The following TMEM116 variants were observed in gnomAD, a reference collection of about 807,000 sequenced individuals.
The protein encoded by TMEM116 is transmembrane protein 116.
Under a neutral mutation model 44.3 loss-of-function variants are expected in TMEM116, and 38 were observed. The observed-to-expected ratio is 0.86, with a 90% CI of 0.66 to 1.12. The LOEUF is 1.12. Ranked by LOEUF, TMEM116 falls within the 50% of genes most tolerant of loss-of-function variation. The pLI is 0.00. For missense variants in TMEM116, 354 were observed against 401.7 expected (o/e 0.88, Z 1.01); for synonymous variants, 132 against 144.8 (o/e 0.91, Z 0.64).
chr12:111,940,476 T>TACACACACAC lies in TMEM116; in HGVS notation c.316-2267_316-2266insGTGTGTGTGT, dbSNP rs1276384412. ...CTCCTGCCCCCCACATATATATATA[T>TACACACACAC]ACATACACACACACACACACACATA... On this transcript the variant is annotated intron_variant, in intron 5 of 10. Transcript: ENST00000552374. Among the ~76,000 whole-genome samples the TACACACACAC allele has an allele frequency of 1.5e-4, 15 of 98,800 alleles. No individual in the cohort carries two copies. In the East Asian group the frequency reaches 4.3e-3, roughly 28 times the overall value. The allele number at this position is 98,800 out of a possible 152,430, so 64.8% of individuals were successfully genotyped here.
intron 4 of TMEM116, among the ~76,000 whole-genome samples, chr12:111,977,664 A>C (rs376476776): frequency 2.0e-5 from 3 of 152,138 alleles, no homozygotes; most frequent in East Asian, 3.8e-4. Flanking sequence ...AAAATATTTC[A>C]TTTTTCTTAG....
chr12:111,960,060 C>A (rs2136377849), intron 4 of TMEM116, among the ~76,000 whole-genome samples: 1 of 152,318 alleles, frequency 6.6e-6, no homozygotes, highest in South Asian at 2.1e-4. Context: ...CTTCTCAGCA[C>A]CACATTGCAT....
At chr12:111,945,844 G>A (rs1021094793) in intron 4 of TMEM116, among the ~76,000 whole-genome samples, 5 of 152,132 alleles carry the variant, frequency 3.3e-5, no homozygotes, top group Non-Finnish European at 7.4e-5. Context: ...AGTAGAAACT[G>A]TACTTCTTTA....
At chr12:111,982,551 T>C (rs1254439565) in intron 4 of TMEM116, among the ~76,000 whole-genome samples, 1 of 152,156 alleles carries the variant, frequency 6.6e-6, no homozygotes, top group East Asian at 1.9e-4. Context: ...TCTGCCCTCG[T>C]TGGCCTCCCA....
At chr12:112,006,156 G>A (rs7310545) in intron 1 of TMEM116, 22,411 of 160,750 alleles carry the variant, frequency 0.14, 1,965 homozygotes, top group African/African-American at 0.25. Context: ...GTAGTGACAA[G>A]CGGAGGAGAA....
At chr12:111,937,068 C>G (rs1361427339) in intron 7 of TMEM116, 92 bp downstream of exon 7, 2 of 1,273,370 alleles carry the variant, frequency 1.6e-6, no homozygotes, top group Admixed American at 3.8e-5. Context: ...GCACTTTGGT[C>G]AGAATTATGT....
chr12:111,997,022 C>T (rs1593623199), intron 3 of TMEM116, among the ~76,000 whole-genome samples: 1 of 151,986 alleles, frequency 6.6e-6, no homozygotes, highest in African/African-American at 2.4e-5. Context: ...TCTGGTAAAC[C>T]GTACATAAGA....
At chr12:111,995,453 T>A (rs1398398237) in intron 3 of TMEM116, among the ~76,000 whole-genome samples, 1 of 151,962 alleles carries the variant, frequency 6.6e-6, no homozygotes, top group Non-Finnish European at 1.5e-5. Flanking sequence ...ACTCAAAAAA[T>A]CAGTTCTAGG....
intron 1 of TMEM116, chr12:112,011,805 C>CACTAGAGG (rs1420480579): frequency 2.6e-5 from 4 of 152,270 alleles, no homozygotes; most frequent in African/African-American, 4.8e-5. Context: ...TCCAAGTGAT[C>CACTAGAGG]CTGCTGCCTC....
chr12:111,997,111 C>T (rs1240447196), intron 3 of TMEM116, among the ~76,000 whole-genome samples: 1 of 152,148 alleles, frequency 6.6e-6, no homozygotes, highest in Non-Finnish European at 1.5e-5. Flanking sequence ...TGGGAAGAAC[C>T]TCAATAGGTA....
At chr12:111,952,859 C>A (rs143387971) in intron 4 of TMEM116, among the ~76,000 whole-genome samples, 3 of 152,244 alleles carry the variant, frequency 2.0e-5, no homozygotes, top group Non-Finnish European at 4.4e-5. Flanking sequence ...TTAATAAACT[C>A]CCCTTTATAT....
At chr12:111,989,544 A>G (rs2076421905) in intron 4 of TMEM116, among the ~76,000 whole-genome samples, 2 of 152,250 alleles carry the variant, frequency 1.3e-5, no homozygotes, top group African/African-American at 4.8e-5. Context: ...AAACCTAATC[A>G]GGTTGCCTGC....
At chr12:112,004,651 C>T (rs2077477904) in intron 2 of TMEM116, among the ~76,000 whole-genome samples, 1 of 149,652 alleles carries the variant, frequency 6.7e-6, no homozygotes, top group Middle Eastern at 3.2e-3. Context: ...AGAGGCCATG[C>T]CAATCTTTTT....
At position 111,942,834 on chromosome 12, in the gene TMEM116, G is replaced by A. The variant is rs576786946; in HGVS notation, c.315+431C>T. On this transcript the variant is annotated intron_variant, in intron 5 of 10. Transcript: ENST00000552374. ...TGTGTGAGAGAGAGAAGGGAGAAGA[G>A]GAAGTGATGTCAAAAGAATGGAAAC... Among the ~76,000 whole-genome samples, 149 of 152,054 alleles carry A rather than the reference G, an allele frequency of 9.8e-4. 1 individual carries two copies. The South Asian group carries it at 0.011, about 11-fold the overall frequency.
At chr12:112,009,534 T>TCAAA (rs1565981388) in intron 1 of TMEM116, among the ~76,000 whole-genome samples, 1 of 135,570 alleles carries the variant, frequency 7.4e-6, no homozygotes, top group African/African-American at 3.2e-5. Context: ...ATGGGTTTAC[T>TCAAA]TAAAAAAAAA....
intron 4 of TMEM116, among the ~76,000 whole-genome samples, chr12:111,981,064 CAA>C (rs147175860): frequency 5.8e-4 from 64 of 110,664 alleles, no homozygotes; most frequent in East Asian, 6.5e-4. Context: ...GACACTGTCT[CAA>C]AAAAAAAAAA....
At chr12:111,958,024 T>C (rs553387175) in intron 4 of TMEM116, among the ~76,000 whole-genome samples, 6 of 152,200 alleles carry the variant, frequency 3.9e-5, no homozygotes, top group African/African-American at 1.4e-4. Context: ...AAGGGTTAAA[T>C]GGATTAAGGG....
At chr12:111,958,704 C>G (rs201476361) in intron 4 of TMEM116, among the ~76,000 whole-genome samples, 1 of 152,010 alleles carries the variant, frequency 6.6e-6, no homozygotes, top group African/African-American at 2.4e-5. Flanking sequence ...GAAACATACA[C>G]AAGTATCAAT....
intron 3 of TMEM116, 133 bp from the exon 4 acceptor site, chr12:111,992,022 T>C (rs968029431): frequency 5.3e-5 from 48 of 910,846 alleles, no homozygotes; most frequent in Non-Finnish European, 7.6e-5. Context: ...CATTGGTTGA[T>C]TGTGGGCAAT....
Sources: allele counts gnomAD v4.1 joint callset (sites outside exome capture counted in the v4.1 genomes callset), GRCh38; gene constraint gnomAD v4.1.1; transcripts MANE v1.5; gene names NCBI Gene and HGNC (gene_info 2026-07-23, HGNC 2026-07-21).